Variants in HSD17B4 observed in about 807,000 individuals in gnomAD.
The protein encoded by HSD17B4 is peroxisomal multifunctional enzyme type 2.
In HSD17B4, 70 loss-of-function variants were observed where a neutral mutation model predicts 101.0. The ratio of observed to expected loss-of-function variants is 0.69; its 90% CI spans 0.57 to 0.85. The LOEUF (loss-of-function observed/expected upper bound fraction) is 0.85. HSD17B4 is among the 40% of genes least tolerant of loss of function. The pLI, the probability that HSD17B4 is intolerant of heterozygous loss-of-function variation, is 0.00. For synonymous variants in HSD17B4, 347 were observed against 297.1 expected (o/e 1.17, Z -1.73); for missense variants, 984 against 892.4 (o/e 1.10, Z -1.31).
chr5:119,516,372 A>G (rs1337506399), intron 17 of HSD17B4, among the ~76,000 whole-genome samples: 1 of 152,186 alleles, frequency 6.6e-6, no homozygotes, highest in Non-Finnish European at 1.5e-5. Context: ...TAAAAAATAT[A>G]TCTGCTACAA....
intron 8 of HSD17B4, among the ~76,000 whole-genome samples, chr5:119,486,353 A>AT (rs1399381401): frequency 6.6e-6 from 1 of 152,194 alleles, no homozygotes; most frequent in South Asian, 2.1e-4. Context: ...ACTTGCTGTC[A>AT]TGCAGCCCCC....
chr5:119,503,076 T>TTTGTG (rs1356722542), intron 14 of HSD17B4, among the ~76,000 whole-genome samples: 165 of 140,640 alleles, frequency 1.2e-3, no homozygotes, highest in African/African-American at 4.3e-3. Context: ...ACCTTGGAAA[T>TTTGTG]TGTGTGTGTG....
intron 23 of HSD17B4, among the ~76,000 whole-genome samples, chr5:119,541,147 G>A (rs914453342): frequency 6.6e-6 from 1 of 152,116 alleles, no homozygotes; most frequent in Non-Finnish European, 1.5e-5. Flanking sequence ...ACCAGTTTCT[G>A]TATCAGGTTA....
chr5:119,482,890 T>C lies in HSD17B4; in HGVS notation c.622+3869T>C, dbSNP rs563390047. On this transcript the variant is annotated intron_variant, in intron 8 of 23. Transcript: ENST00000510025. ...CTGGGTTGGGACCTTCAGAAGACTT[T>C]TTTAGCCTTTTTTTTTTTCTTTTTT... Among the ~76,000 whole-genome samples the C allele has an allele frequency of 9.2e-5, 14 of 152,078 alleles. No individual in the cohort carries two copies. In the South Asian group the frequency reaches 2.5e-3, roughly 27 times the overall value.
intron 21 of HSD17B4, among the ~76,000 whole-genome samples, chr5:119,530,845 C>CAAAAAAAAAAAAA (rs11423247): frequency 3.6e-5 from 2 of 56,324 alleles, no homozygotes; most frequent in African/African-American, 1.4e-4. Flanking sequence ...AAGTCTGTCT[C>CAAAAAAAAAAAAA]AAAAAAAAAA....
rs571000933 is a variant in HSD17B4 at position 119,461,391 on chromosome 5, A to G, written c.112+5023A>G. On this transcript the variant is annotated intron_variant, in intron 2 of 23. Transcript: ENST00000510025. ...ATGTAGACTAAAATAATGAGCTACA[A>G]ATTATAATCATGTAATTGTCAGACT... 6.6e-5 allele frequency among the ~76,000 whole-genome samples: 10 copies of G among 152,338 alleles called. No individual in the cohort carries two copies. The South Asian group carries it at 2.1e-3, about 32-fold the overall frequency.
Position 119,536,454 on chromosome 5 carries a change from G to A in HSD17B4, c.2025G>A (p.Val675=), listed in dbSNP as rs763204818. ...ACCTGAAAAGTGGTTCTGGAAAAGT[G>A]TACCAAGGCCCTGCAAAAGGTGCTG... is the stretch of plus-strand genomic sequence containing the variant. ...TIDLKSGSGK[V]YQGPAKGAAD... The change falls in exon 23 of 24, where the codon GTG becomes GTA. Residue 675 remains valine (V), a synonymous_variant. Coordinates refer to ENST00000510025, the MANE Select transcript of HSD17B4 (RefSeq NM_000414.4). The A allele has an allele frequency of 8.1e-6, 13 of 1,612,276 alleles. No homozygotes were observed. Among genetic ancestry groups the A allele is most frequent in the South Asian group, 2.2e-5 (2 of 91,064 alleles).
At chr5:119,514,420 TA>T (rs1752434618) in intron 16 of HSD17B4, among the ~76,000 whole-genome samples, 1 of 152,240 alleles carries the variant, frequency 6.6e-6, no homozygotes, top group Non-Finnish European at 1.5e-5. Flanking sequence ...TTGAATTTTT[TA>T]TGTTTACTTT....
chr5:119,485,433 A>G (rs1431373799), intron 8 of HSD17B4, among the ~76,000 whole-genome samples: 3 of 152,134 alleles, frequency 2.0e-5, no homozygotes, highest in Non-Finnish European at 2.9e-5. Context: ...ATCTTTCTGG[A>G]TCTGTTTTCT....
At chr5:119,454,157 T>C (rs1487260478) in intron 1 of HSD17B4, among the ~76,000 whole-genome samples, 1 of 152,238 alleles carries the variant, frequency 6.6e-6, no homozygotes, top group Non-Finnish European at 1.5e-5. Flanking sequence ...TCCTGAAATT[T>C]ATTTTCTATT....
intron 17 of HSD17B4, among the ~76,000 whole-genome samples, chr5:119,516,920 A>T (rs974241700): frequency 6.6e-6 from 1 of 152,250 alleles, no homozygotes; most frequent in African/African-American, 2.4e-5. Flanking sequence ...TGACATGTAG[A>T]AGTGAGAGGT....
chr5:119,453,385 T>A (rs1446588819), intron 1 of HSD17B4, among the ~76,000 whole-genome samples: 1 of 152,080 alleles, frequency 6.6e-6, no homozygotes, highest in Non-Finnish European at 1.5e-5. Context: ...AGCGGCAAAA[T>A]GGAAAATTGT....
chr5:119,503,854 A>G (rs1280950244), intron 14 of HSD17B4, among the ~76,000 whole-genome samples: 1 of 151,794 alleles, frequency 6.6e-6, no homozygotes, highest in Non-Finnish European at 1.5e-5. Context: ...GTATTGTGTG[A>G]TGCTAAACTT....
At position 119,452,523 on chromosome 5, in the gene HSD17B4, T is replaced by A; in HGVS notation, c.-53T>A. 1 of 1,613,226 alleles carries A rather than the reference T, an allele frequency of 6.2e-7. No individual in the cohort carries two copies. Among genetic ancestry groups the A allele is most frequent in the Non-Finnish European group, 8.5e-7 (1 of 1,179,912 alleles). ...TTCCCCGCCTCCTCCTGTCCCGCAG[T>A]CGGCGTCCAGCGGCTCTGCTTGTTC... On this transcript the variant is annotated 5_prime_UTR_variant, in exon 1 of 24. Transcript: ENST00000510025.
intron 2 of HSD17B4, among the ~76,000 whole-genome samples, chr5:119,459,298 G>C (rs1433750794): frequency 6.6e-6 from 1 of 152,152 alleles, no homozygotes; most frequent in Non-Finnish European, 1.5e-5. Context: ...CGGGATTATG[G>C]TGAGGGTAAA....
chr5:119,483,646 C>T (rs1268644176), intron 8 of HSD17B4, among the ~76,000 whole-genome samples: 2 of 152,078 alleles, frequency 1.3e-5, no homozygotes, highest in Non-Finnish European at 2.9e-5. Flanking sequence ...GTGTAGCTTT[C>T]CAATATACAT....
intron 17 of HSD17B4, among the ~76,000 whole-genome samples, chr5:119,521,918 G>T (rs1446002259): frequency 2.0e-5 from 3 of 147,586 alleles, no homozygotes; most frequent in African/African-American, 7.5e-5. Flanking sequence ...TTTCAGTTTT[G>T]GTTTTTTTTT....
At chr5:119,471,758 T>A (rs1175517258) in intron 2 of HSD17B4, 14 of 864,170 alleles carry the variant, frequency 1.6e-5, no homozygotes, top group Middle Eastern at 5.1e-4. Flanking sequence ...TGTATCTTTT[T>A]ATTAGTTTTT....
intron 1 of HSD17B4, among the ~76,000 whole-genome samples, chr5:119,453,173 G>A (rs1273262135): frequency 6.6e-6 from 1 of 152,194 alleles, no homozygotes; most frequent in Non-Finnish European, 1.5e-5. Context: ...GCCCTTCCCC[G>A]TTGGAGTTTG....
Sources: gnomAD v4.1 joint callset for allele counts (sites outside exome capture counted in the v4.1 genomes callset) on GRCh38, gnomAD v4.1.1 for gene constraint, MANE v1.5 for transcripts, NCBI Gene and HGNC (gene_info 2026-07-23, HGNC 2026-07-21) for gene names.